Variants in CCDC197 observed in about 807,000 individuals in gnomAD.
CCDC197 encodes coiled-coil domain containing 197, also known as uncharacterized protein CCDC197.
Under a neutral mutation model 13.4 loss-of-function variants are expected in CCDC197, and 24 were observed. That is an observed-to-expected ratio of 1.80 (90% CI 1.30 to 2.53). The LOEUF (loss-of-function observed/expected upper bound fraction) is 2.53. Among genes scored for constraint, CCDC197 ranks in the 30% most tolerant of loss-of-function variants. The pLI is 0.00. For missense variants in CCDC197, 255 were observed against 148.8 expected, an observed-to-expected ratio of 1.71 and a Z score of -3.71; for synonymous variants, 99 against 55.5, an observed-to-expected ratio of 1.78 and a Z score of -3.48.
intron 1 of CCDC197, among the ~76,000 whole-genome samples, chr14:93,988,504 T>G (rs1310180431): frequency 2.3e-4 from 1 of 4,312 alleles, no homozygotes; most frequent in Non-Finnish European, 4.1e-4. Context: ...GGATAGGGGA[T>G]GGGAGGAGGG....
intron 4 of CCDC197, 149 bp downstream of exon 4, chr14:94,001,472 G>GC: frequency 1.8e-6 from 1 of 552,008 alleles, no homozygotes; most frequent in Non-Finnish European, 3.2e-6. Context: ...CTCCTGAGCC[G>GC]CCTTCCATAT....
intron 6 of CCDC197, chr14:94,007,588 A>G (rs1430123120): frequency 1.3e-5 from 2 of 152,144 alleles, no homozygotes; most frequent in Non-Finnish European, 2.9e-5. Flanking sequence ...TTCTGAGGTC[A>G]TTTGGCTCCT....
chr14:93,987,272 G>T (rs1170676343), exon 1 of CCDC197: 1 of 152,354 alleles, frequency 6.6e-6, no homozygotes, highest in Non-Finnish European at 1.5e-5. Context: ...GGACTGCAGA[G>T]GCCTTCAGAT....
At chr14:93,989,874 T>A (rs1890176240) in intron 1 of CCDC197, among the ~76,000 whole-genome samples, 1 of 152,166 alleles carries the variant, frequency 6.6e-6, no homozygotes, top group South Asian at 2.1e-4. Flanking sequence ...CTTACTCAGG[T>A]GGTTGGCAGT....
Position 93,999,299 on chromosome 14 carries a change from ACT to A in CCDC197, c.105-281_105-280del, listed in dbSNP as rs1890416569. 6 of 379,196 alleles carry A rather than the reference ACT, an allele frequency of 1.6e-5. No individual in the cohort carries two copies. The South Asian group carries it at 1.8e-4, about 11-fold the overall frequency. The allele number at this position is 379,196 out of a possible 1,614,324, so 23.5% of individuals were successfully genotyped here. On this transcript the variant is annotated intron_variant, in intron 2 of 6. Coordinates refer to ENST00000636493, the MANE Select transcript of CCDC197 (RefSeq NM_001351596.2). Reference sequence around the variant, plus strand: ...ACAGCCTCCAGGGGAGGCACTGAAGACTCTGGCCAGAAAGGCTCAGCCTTCAT... The same window carrying A: ...ACAGCCTCCAGGGGAGGCACTGAAGACTGGCCAGAAAGGCTCAGCCTTCAT...
chr14:93,994,884 C>G (rs946384873), upstream of CCDC197, among the ~76,000 whole-genome samples: 2 of 152,176 alleles, frequency 1.3e-5, no homozygotes, highest in Non-Finnish European at 2.9e-5. Context: ...AACAGCCTCC[C>G]GCTGTGGGAC....
intron 6 of CCDC197, among the ~76,000 whole-genome samples, chr14:94,006,334 A>G (rs1489466423): frequency 6.7e-6 from 1 of 150,326 alleles, no homozygotes; most frequent in Non-Finnish European, 1.5e-5. Flanking sequence ...TTATTTGCCC[A>G]TTAAAAAATT....
intron 4 of CCDC197, among the ~76,000 whole-genome samples, chr14:94,002,340 G>C (rs1172321053): frequency 2.4e-4 from 37 of 151,852 alleles, no homozygotes; most frequent in Admixed American, 1.8e-3. Flanking sequence ...CCAGGCTGGA[G>C]TACAGTGGAG....
intron 6 of CCDC197, among the ~76,000 whole-genome samples, chr14:94,005,971 C>A (rs1029957046): frequency 1.1e-4 from 16 of 152,182 alleles, no homozygotes; most frequent in African/African-American, 3.9e-4. Context: ...CATTTGTGTA[C>A]ACATTTTTAT....
chr14:93,997,529 G>A lies in CCDC197; in HGVS notation c.-176G>A, dbSNP rs1167392842. ...TAGACCATTTTCCCAGCTTGACCAT[G>A]AGCTTCTTCAAGGCATCTCTTCTCA... On this transcript the variant is annotated 5_prime_UTR_variant, in exon 1 of 7. An upstream start codon of the reference 5' UTR is lost. Transcript: ENST00000636493. 6.6e-6 allele frequency: 1 copy of A among 152,528 alleles called. No homozygotes were observed. Among genetic ancestry groups the A allele is most frequent in the Admixed American group, 6.5e-5 (1 of 15,318 alleles). 9.4% of individuals were successfully genotyped at this position (152,528 alleles called of 1,614,324 possible).
intron 3 of CCDC197, chr14:94,000,899 C>T (rs968252659): frequency 1.6e-5 from 6 of 382,210 alleles, no homozygotes; most frequent in Non-Finnish European, 2.8e-5. Context: ...GATCCAGAAT[C>T]CCTGTCTCAG....
At chr14:94,001,926 G>C (rs979091060) in intron 4 of CCDC197, among the ~76,000 whole-genome samples, 10 of 152,212 alleles carry the variant, frequency 6.6e-5, no homozygotes, top group African/African-American at 2.4e-4. Flanking sequence ...TCACTGCAAA[G>C]GGTTGCTGCG....
At chr14:94,008,983 G>A (rs1890763952), downstream of CCDC197, 3 of 554,570 alleles carry the variant, frequency 5.4e-6, no homozygotes, top group South Asian at 5.0e-5. Flanking sequence ...CATCCTGGGG[G>A]ATTGGCAGGG....
chr14:94,002,022 T>C (rs1182532888), intron 4 of CCDC197, among the ~76,000 whole-genome samples: 1 of 152,218 alleles, frequency 6.6e-6, no homozygotes, highest in African/African-American at 2.4e-5. Flanking sequence ...ATGGAATTCA[T>C]GGATGGGCTG....
chr14:94,004,300 G>A (rs1364576843), intron 5 of CCDC197, among the ~76,000 whole-genome samples: 2 of 152,174 alleles, frequency 1.3e-5, no homozygotes, highest in Admixed American at 1.3e-4. Context: ...GGGCTGCGCT[G>A]GGCACACCTT....
chr14:94,008,545 T>C (rs970092353), intron 6 of CCDC197, 64 bp from the exon 7 acceptor site: 3 of 680,122 alleles, frequency 4.4e-6, no homozygotes, highest in Non-Finnish European at 8.2e-6. Context: ...GATGCTTTGG[T>C]ACCTAGAAAG....
At chr14:93,992,516 TG>T (rs1313425235), upstream of CCDC197, among the ~76,000 whole-genome samples, 5 of 152,158 alleles carry the variant, frequency 3.3e-5, no homozygotes, top group African/African-American at 1.2e-4. Flanking sequence ...AAACAGTTGA[TG>T]ATGCCCTGGC....
upstream of CCDC197, among the ~76,000 whole-genome samples, chr14:93,994,724 A>T (rs1890254240): frequency 6.6e-6 from 1 of 152,176 alleles, no homozygotes; most frequent in Admixed American, 6.5e-5. Flanking sequence ...AACTTCTAGG[A>T]AGAAAAGTCC....
chr14:94,009,603 C>T (rs1305899094), downstream of CCDC197, among the ~76,000 whole-genome samples: 1 of 152,146 alleles, frequency 6.6e-6, no homozygotes, highest in Non-Finnish European at 1.5e-5. Context: ...GTGGCACACA[C>T]CTGTGATTCC....
Sources: gnomAD v4.1 joint callset for allele counts (sites outside exome capture counted in the v4.1 genomes callset) on GRCh38, gnomAD v4.1.1 for gene constraint, MANE v1.5 for transcripts, NCBI Gene and HGNC (gene_info 2026-07-23, HGNC 2026-07-21) for gene names.